ARHGEF3: variants seen among roughly 807,000 people sequenced by gnomAD.
The protein encoded by ARHGEF3 is 59.8 kDA protein.
ARHGEF3 carries 28 observed loss-of-function variants against 63.2 expected under a neutral mutation model. The ratio of observed to expected loss-of-function variants is 0.44; its 90% CI spans 0.33 to 0.61. The LOEUF (loss-of-function observed/expected upper bound fraction) is 0.61. ARHGEF3 is among the 20% of genes least tolerant of loss of function. ARHGEF3 has a pLI of 0.03. For synonymous variants in ARHGEF3, 266 were observed against 254.2 expected, an observed-to-expected ratio of 1.05 and a Z score of -0.44; for missense variants, 533 against 659.3, an observed-to-expected ratio of 0.81 and a Z score of 2.10.
At chr3:56,742,765 C>A (rs1221338239) in intron 7 of ARHGEF3, among the ~76,000 whole-genome samples, 4 of 152,190 alleles carry the variant, frequency 2.6e-5, no homozygotes, top group Non-Finnish European at 5.9e-5. Flanking sequence ...GTTTCATGCA[C>A]AGATCTGCCT....
chr3:56,931,159 A>C (rs562240767), intron 3 of ARHGEF3, among the ~76,000 whole-genome samples: 49 of 152,322 alleles, frequency 3.2e-4, no homozygotes, highest in African/African-American at 1.1e-3. Context: ...AGTTTGAGAA[A>C]TTGCTGATGA....
chr3:57,038,657 C>T (rs1448561584), intron 1 of ARHGEF3, among the ~76,000 whole-genome samples: 2 of 152,098 alleles, frequency 1.3e-5, no homozygotes, highest in Non-Finnish European at 2.9e-5. Context: ...GTTGCCCAGG[C>T]TGGTCTCTAA....
At chr3:57,015,010 C>CT (rs35395324) in intron 2 of ARHGEF3, among the ~76,000 whole-genome samples, 20,428 of 142,544 alleles carry the variant, frequency 0.14, 1,563 homozygotes, top group Non-Finnish European at 0.18. Flanking sequence ...TTTTCATGTA[C>CT]TTTTTTTTTT....
At chr3:56,910,746 G>A (rs2108335839) in intron 3 of ARHGEF3, among the ~76,000 whole-genome samples, 2 of 152,210 alleles carry the variant, frequency 1.3e-5, no homozygotes, top group Admixed American at 1.3e-4. Context: ...AGTGAAATTT[G>A]GGAAACACTG....
intron 3 of ARHGEF3, among the ~76,000 whole-genome samples, chr3:56,903,755 T>C (rs1192508688): frequency 1.3e-5 from 2 of 151,798 alleles, no homozygotes; most frequent in Non-Finnish European, 2.9e-5. Flanking sequence ...CAGTGGTTCC[T>C]GAATTTTTTT....
chr3:57,003,180 C>T (rs1052541647), intron 2 of ARHGEF3, among the ~76,000 whole-genome samples: 21 of 150,562 alleles, frequency 1.4e-4, no homozygotes, highest in African/African-American at 4.6e-4. Context: ...CAGAGGCGGG[C>T]GGATCACGAG....
At chr3:56,970,665 C>T (rs551593228) in intron 2 of ARHGEF3, among the ~76,000 whole-genome samples, 4 of 152,330 alleles carry the variant, frequency 2.6e-5, no homozygotes, top group Admixed American at 2.6e-4. Context: ...AGCCATTTTG[C>T]TGTGTTCCCC....
intron 4 of ARHGEF3, among the ~76,000 whole-genome samples, chr3:56,813,078 G>A (rs2038132795): frequency 6.6e-6 from 1 of 152,216 alleles, no homozygotes; most frequent in South Asian, 2.1e-4. Flanking sequence ...GATTGCTCTG[G>A]TGCCAGGAAA....
Position 56,767,148 on chromosome 3 carries a change from T to TA in ARHGEF3, c.204+6560dup, listed in dbSNP as rs1203072586. On this transcript the variant is annotated intron_variant, in intron 2 of 9. Transcript: ENST00000296315. Reference sequence around the variant, plus strand: ...AACATAGGGAGATTTTTGTCTCTATTAAAAAAAAAAAAAAATCAAGTCTTT... The same window carrying TA: ...AACATAGGGAGATTTTTGTCTCTATTAAAAAAAAAAAAAAAATCAAGTCTTT... Among the ~76,000 whole-genome samples, 1,113 of 136,214 alleles carry TA rather than the reference T, an allele frequency of 8.2e-3. 14 individuals are homozygous for TA. Among genetic ancestry groups the TA allele is most frequent in the African/African-American group, 0.025 (926 of 36,892 alleles). The allele number at this position is 136,214 out of a possible 152,430, so 89.4% of individuals were successfully genotyped here. A position where few individuals can be genotyped will look rare whatever the true frequency, so the allele number is the denominator to read the frequency against.
chr3:56,733,165 C>T (rs537827323), intron 8 of ARHGEF3, among the ~76,000 whole-genome samples: 114 of 151,846 alleles, frequency 7.5e-4, no homozygotes, highest in African/African-American at 2.7e-3. Context: ...CACCTGTAGT[C>T]CCAGCTACTT....
intron 3 of ARHGEF3, among the ~76,000 whole-genome samples, chr3:56,920,202 A>G (rs1296689891): frequency 6.6e-6 from 1 of 152,196 alleles, no homozygotes; most frequent in East Asian, 1.9e-4. Context: ...GAGTTGAATC[A>G]TATATTTATA....
chr3:56,809,545 C>A (rs1277020773), intron 4 of ARHGEF3, among the ~76,000 whole-genome samples: 1 of 152,120 alleles, frequency 6.6e-6, no homozygotes, highest in Admixed American at 6.5e-5. Context: ...AGAAACCTGA[C>A]CTTCTCCAAT....
At chr3:57,035,070 T>C in intron 2 of ARHGEF3, 1 of 1,519,542 alleles carries the variant, frequency 6.6e-7, no homozygotes, top group South Asian at 1.2e-5. Context: ...ATTATTTAGG[T>C]TATTTGATTA....
At chr3:56,954,662 G>T (rs182982257) in intron 3 of ARHGEF3, among the ~76,000 whole-genome samples, 344 of 152,290 alleles carry the variant, frequency 2.3e-3, no homozygotes, top group Non-Finnish European at 4.3e-3. Context: ...TGGAGGGTTG[G>T]TAACACCCAG....
intron 8 of ARHGEF3, among the ~76,000 whole-genome samples, chr3:56,734,926 C>T (rs1438311823): frequency 6.6e-6 from 1 of 152,070 alleles, no homozygotes; most frequent in Non-Finnish European, 1.5e-5. Flanking sequence ...CAGATTTTTA[C>T]ACTGTTTCTA....
intron 1 of ARHGEF3, among the ~76,000 whole-genome samples, chr3:57,047,760 T>G (rs1444382112): frequency 6.6e-6 from 1 of 152,058 alleles, no homozygotes; most frequent in Non-Finnish European, 1.5e-5. Flanking sequence ...GGGAGCTGGA[T>G]GTAAGAGAGG....
chr3:56,734,462 C>T (rs773622850), intron 8 of ARHGEF3, among the ~76,000 whole-genome samples: 3 of 152,138 alleles, frequency 2.0e-5, no homozygotes, highest in African/African-American at 7.2e-5. Flanking sequence ...TGAAAAACTT[C>T]CTATCGAGTA....
chr3:56,950,311 A>G (rs1251451221), intron 3 of ARHGEF3, among the ~76,000 whole-genome samples: 1 of 152,124 alleles, frequency 6.6e-6, no homozygotes, highest in Non-Finnish European at 1.5e-5. Flanking sequence ...GCTTCTGCAC[A>G]GCAAAAGAAA....
At chr3:56,993,991 G>A (rs1482198699) in intron 2 of ARHGEF3, among the ~76,000 whole-genome samples, 1 of 143,942 alleles carries the variant, frequency 6.9e-6, no homozygotes, top group African/African-American at 2.6e-5. Context: ...TTGAACCCGG[G>A]AGGCGGAAGT....
Sources: allele counts gnomAD v4.1 joint callset (sites outside exome capture counted in the v4.1 genomes callset), GRCh38; gene constraint gnomAD v4.1.1; transcripts MANE v1.5; gene names NCBI Gene and HGNC (gene_info 2026-07-23, HGNC 2026-07-21).